The following ZNF592 variants were observed in gnomAD, a reference collection of about 807,000 sequenced individuals.
The protein encoded by ZNF592 is spinocerebellar ataxia, autosomal recessive 5.
Under a neutral mutation model 80.3 loss-of-function variants are expected in ZNF592, and 11 were observed. The ratio of observed to expected loss-of-function variants is 0.14; its 90% CI spans 0.09 to 0.23. The LOEUF (loss-of-function observed/expected upper bound fraction) is 0.23, where lower values mean the gene tolerates loss of function less well. Ranked by LOEUF, ZNF592 falls within the 10% of genes least tolerant of loss-of-function variation. The probability of loss-of-function intolerance (pLI) is 1.00; values close to 1 mark genes in which losing one functional copy is unlikely to be tolerated. For missense variants in ZNF592, 1,420 were observed against 1,633.9 expected, an observed-to-expected ratio of 0.87 and a Z score of 2.26; for synonymous variants, 646 against 640.3, an observed-to-expected ratio of 1.01 and a Z score of -0.13.
chr15:84,759,602 CT>C (rs1295187250), intron 1 of ZNF592, among the ~76,000 whole-genome samples: 1 of 152,108 alleles, frequency 6.6e-6, no homozygotes, highest in Admixed American at 6.6e-5. Context: ...TTTATACCCC[CT>C]GGGAGAGGTC....
intron 2 of ZNF592, among the ~76,000 whole-genome samples, chr15:84,772,854 C>T (rs77384950): frequency 0.023 from 3,476 of 152,116 alleles, 129 homozygotes; most frequent in African/African-American, 0.079. Context: ...AATATATTAA[C>T]TAGAGATCAA....
chr15:84,800,633 G>A (rs554104263), intron 10 of ZNF592, among the ~76,000 whole-genome samples: 1 of 152,330 alleles, frequency 6.6e-6, no homozygotes, highest in South Asian at 2.1e-4. Flanking sequence ...GATGGTGTCA[G>A]TAGTTGGCAA....
rs776654163 is a variant in ZNF592 at position 84,784,295 on chromosome 15, G to C, written c.1620G>C (p.Leu540=). ...AGCTTACACAAATGTCGGTGCCCCT[G>C]GTCCACCAGGTGAAAAAGGCTGCCC... The part of the protein sequence containing the change: ...QPQLTQMSVP[L]VHQVKKAAPL... Residue 540 remains leucine (L), a synonymous_variant, in exon 4 of 11, where the codon CTG becomes CTC. Transcript: ENST00000560079. This position sits in a 1 kb window ranked among gnomAD's most constrained non-coding sequence, Gnocchi z 5.8. The C allele has an allele frequency of 3.9e-5, 63 of 1,614,108 alleles. No individual in the cohort carries two copies. The highest frequency in any genetic ancestry group is 5.1e-5 in the Non-Finnish European group (60 of 1,180,044).
At chr15:84,749,611 C>T (rs1224359918) in intron 1 of ZNF592, among the ~76,000 whole-genome samples, 1 of 152,136 alleles carries the variant, frequency 6.6e-6, no homozygotes, top group South Asian at 2.1e-4. Context: ...GGGAGTAAGA[C>T]GGTATTTGGC....
intron 3 of ZNF592, among the ~76,000 whole-genome samples, chr15:84,778,617 C>A (rs1288471795): frequency 6.6e-6 from 1 of 152,190 alleles, no homozygotes; most frequent in Non-Finnish European, 1.5e-5. Flanking sequence ...AGAGCCGGGG[C>A]TTTACAAGAA....
intron 2 of ZNF592, among the ~76,000 whole-genome samples, chr15:84,768,066 T>A (rs943323425): frequency 4.0e-5 from 6 of 150,846 alleles, no homozygotes; most frequent in African/African-American, 1.5e-4. Flanking sequence ...TTTTAATTTT[T>A]TTTTTTTGTA....
Position 84,799,301 on chromosome 15 carries a change from G to T in ZNF592, c.3137+91G>T. 1 of 1,288,712 alleles carries T rather than the reference G, an allele frequency of 7.8e-7. No homozygotes were observed. The highest frequency in any genetic ancestry group is 1.1e-6 in the Non-Finnish European group (1 of 885,756). The allele number at this position is 1,288,712 out of a possible 1,614,324, so 79.8% of individuals were successfully genotyped here. ...GGGCTTTTCTGTGCTGCAAGATCAG[G>T]TGTCTAAGACAAGAGACAAGTGATT... On this transcript the variant is annotated intron_variant, in intron 9 of 10. Coordinates refer to ENST00000560079, the MANE Select transcript of ZNF592 (RefSeq NM_014630.3). The surrounding 1 kb of genome is among the most constrained non-coding windows in gnomAD (Gnocchi z 4.2).
chr15:84,784,545 C>G lies in ZNF592; in HGVS notation c.1870C>G (p.Leu624Val), dbSNP rs367732184. 2 of 1,614,108 alleles carry G rather than the reference C, an allele frequency of 1.2e-6. No homozygotes were observed. The highest frequency in any genetic ancestry group is 1.7e-6 in the Non-Finnish European group (2 of 1,180,054). The change falls in exon 4 of 11, where the codon CTG becomes GTG. Residue 624 changes from leucine (L) to valine (V), a missense_variant. By Grantham distance (32) the Leu-to-Val change is conservative. Transcript: ENST00000560079. This position sits in a 1 kb window ranked among gnomAD's most constrained non-coding sequence, Gnocchi z 5.8. ...EVLCTLCSKT[L>V]LFFNKCSLLR... is the part of the protein sequence containing the mutation. Reference sequence around the variant, plus strand: ...ACTGTGCACACTGTGCTCCAAGACGCTGCTCTTCTTCAACAAGTGCAGCCT... The same window carrying G: ...ACTGTGCACACTGTGCTCCAAGACGGTGCTCTTCTTCAACAAGTGCAGCCT...
intron 5 of ZNF592, among the ~76,000 whole-genome samples, chr15:84,793,072 GAAA>G (rs955448377): frequency 6.7e-6 from 1 of 149,750 alleles, no homozygotes; most frequent in African/African-American, 2.5e-5. Flanking sequence ...TTGAATCCAA[GAAA>G]AAAAATTTTT....
chr15:84,764,929 A>T (rs985194625), intron 2 of ZNF592, 114 bp downstream of exon 2: 5 of 394,528 alleles, frequency 1.3e-5, no homozygotes, highest in Non-Finnish European at 2.2e-5. Flanking sequence ...TGATGATAAA[A>T]TACATATAAC....
intron 1 of ZNF592, among the ~76,000 whole-genome samples, chr15:84,750,853 A>G (rs1354610041): frequency 6.6e-6 from 1 of 152,076 alleles, no homozygotes; most frequent in African/African-American, 2.4e-5. Flanking sequence ...TAGTCTGGAG[A>G]CTAGGGCCAA....
chr15:84,748,659 C>G lies in ZNF592; in HGVS notation c.-264C>G, dbSNP rs1471890269. The G allele has an allele frequency of 2.7e-5, 4 of 148,156 alleles. No individual in the cohort carries two copies. The highest frequency in any genetic ancestry group is 6.0e-5 in the Non-Finnish European group (4 of 66,284). The allele number at this position is 148,156 out of a possible 1,614,324, so 9.2% of individuals were successfully genotyped here. A position where few individuals can be genotyped will look rare whatever the true frequency, so the allele number is the denominator to read the frequency against. ...TCTGGCCTGCAGTCGCCGCCGCCGC[C>G]GCCAGGTAAGCGCCCCCCGCGGGCC... is the stretch of plus-strand genomic sequence containing the variant. On this transcript the variant is annotated 5_prime_UTR_variant, in exon 1 of 11. Transcript: ENST00000560079.
At chr15:84,768,589 C>G (rs1899605006) in intron 2 of ZNF592, among the ~76,000 whole-genome samples, 1 of 152,020 alleles carries the variant, frequency 6.6e-6, no homozygotes, top group Non-Finnish European at 1.5e-5. Flanking sequence ...CTACCTCTTC[C>G]CTATGGTTCT....
rs752592509 is a variant in ZNF592 at position 84,784,776 on chromosome 15, C to G, written c.2101C>G (p.Pro701Ala). 93 of 1,614,034 alleles carry G rather than the reference C, an allele frequency of 5.8e-5. No homozygotes were observed. In the South Asian group the frequency reaches 9.2e-4, roughly 16 times the overall value. Residue 701 changes from proline to alanine, a missense_variant, in exon 4 of 11, where the codon CCA becomes GCA. Coordinates refer to ENST00000560079, the MANE Select transcript of ZNF592 (RefSeq NM_014630.3). The surrounding 1 kb of genome is among the most constrained non-coding windows in gnomAD (Gnocchi z 5.8). Reference sequence around the variant, plus strand: ...CCCTCCTCCAGCCTTGCCACTCTACCCAGACCCTGTGAGGCTCATCCGGTA... The same window carrying G: ...CCCTCCTCCAGCCTTGCCACTCTACGCAGACCCTGTGAGGCTCATCCGGTA... The part of the protein sequence containing the change: ...SPPPPALPLY[P>A]DPVRLIRYSI...
At chr15:84,751,596 T>C (rs970455837) in intron 1 of ZNF592, among the ~76,000 whole-genome samples, 1 of 139,070 alleles carries the variant, frequency 7.2e-6, no homozygotes, top group Non-Finnish European at 1.6e-5. Context: ...TTTTTATTAC[T>C]TTTTTTTTTT....
rs1899241296 is a variant in ZNF592 at position 84,758,293 on chromosome 15, A to AT, written c.-258-6405dup. Among the ~76,000 whole-genome samples the AT allele has an allele frequency of 2.0e-5, 3 of 150,936 alleles. No homozygotes were observed. In the South Asian group the frequency reaches 6.3e-4, roughly 32 times the overall value. ...CGGCCCCGTTAATCCTTTAAAAAAA[A>AT]TTTTTTTTTGAGACCGTCTCGCTCT... On this transcript the variant is annotated intron_variant, in intron 1 of 10. Coordinates refer to ENST00000560079, the MANE Select transcript of ZNF592 (RefSeq NM_014630.3).
chr15:84,753,146 T>G (rs1291287105), intron 1 of ZNF592: 1 of 152,240 alleles, frequency 6.6e-6, no homozygotes, highest in East Asian at 1.9e-4. Context: ...GGATCCTGTA[T>G]TTGTGAAACT....
Position 84,778,300 on chromosome 15 carries a change from G to A in ZNF592, c.-32G>A. On this transcript the variant is annotated 5_prime_UTR_variant, in exon 3 of 11. Transcript: ENST00000560079. ...GAAAGAGGAGGTCCCTACCTGCCAC[G>A]GATACCAGTCAGGTACACATGCAGA... The A allele has an allele frequency of 3.6e-6, 1 of 277,172 alleles. No homozygotes were observed. Among genetic ancestry groups the A allele is most frequent in the Admixed American group, 4.2e-5 (1 of 23,858 alleles). 17.2% of individuals were successfully genotyped at this position (277,172 alleles called of 1,614,324 possible).
rs1453535751 is a variant in ZNF592 at position 84,785,491 on chromosome 15, T to C, written c.2220+596T>C. Among the ~76,000 whole-genome samples, 5 of 152,156 alleles carry C rather than the reference T, an allele frequency of 3.3e-5. No individual in the cohort carries two copies. In the South Asian group the frequency reaches 1.0e-3, roughly 32 times the overall value. On this transcript the variant is annotated intron_variant, in intron 4 of 10. Coordinates refer to ENST00000560079, the MANE Select transcript of ZNF592 (RefSeq NM_014630.3). ...CACGCCTAGCTAATTTTTGTATTTT[T>C]AGTAGAGACAGGGTTTCACCATGTT...
Sources: gnomAD v4.1 joint callset for allele counts (sites outside exome capture counted in the v4.1 genomes callset) on GRCh38, gnomAD v4.1.1 for gene constraint, Gnocchi (gnomAD v3.1) non-coding constraint, MANE v1.5 for transcripts, NCBI Gene and HGNC (gene_info 2026-07-23, HGNC 2026-07-21) for gene names.